The following CFI variants were observed in gnomAD, a reference collection of about 807,000 sequenced individuals.
CFI encodes C3B/C4B inactivator.
A neutral mutation model predicts 78.8 loss-of-function variants in CFI; 66 were observed. The observed-to-expected ratio is 0.84, with a 90% confidence interval of 0.69 to 1.03. CFI has a LOEUF of 1.03. Ranked by LOEUF, CFI falls within the 50% of genes least tolerant of loss-of-function variation. The pLI is 0.00. For missense variants in CFI, 706 were observed against 704.5 expected, an observed-to-expected ratio of 1.00 and a Z score of -0.02; for synonymous variants, 250 against 232.6, an observed-to-expected ratio of 1.07 and a Z score of -0.68.
chr4:109,756,440 A>AAGG (rs147367630), intron 7 of CFI, among the ~76,000 whole-genome samples: 1 of 150,690 alleles, frequency 6.6e-6, no homozygotes, highest in Non-Finnish European at 1.5e-5. Context: ...GAAGAGGAAG[A>AAGG]AGGAGGAGGA....
chr4:109,767,153 T>C (rs536788114), intron 1 of CFI, among the ~76,000 whole-genome samples: 5 of 152,292 alleles, frequency 3.3e-5, no homozygotes, highest in South Asian at 2.1e-4. Context: ...AAGACTTACA[T>C]GTTAGACCTA....
intron 1 of CFI, among the ~76,000 whole-genome samples, chr4:109,800,186 C>T (rs543906148): frequency 1.1e-4 from 17 of 152,162 alleles, no homozygotes; most frequent in African/African-American, 3.6e-4. Context: ...TTCTTTCTCT[C>T]TAAAATGCCA....
At chr4:109,755,531 T>G (rs1726018590) in intron 7 of CFI, among the ~76,000 whole-genome samples, 1 of 152,132 alleles carries the variant, frequency 6.6e-6, no homozygotes, top group African/African-American at 2.4e-5. Flanking sequence ...AATAGATTAA[T>G]GTCGTTATCT....
Position 109,801,730 on chromosome 4 carries a change from T to C in CFI, c.57+185A>G, listed in dbSNP as rs7671905. ...ATATATAAGCACATAAAAAGAACTATTTTTAAAAAATCACTTTTATCAAGA... is the reference window on the plus strand; with the variant it reads ...ATATATAAGCACATAAAAAGAACTACTTTTAAAAAATCACTTTTATCAAGA... On this transcript the variant is annotated intron_variant, in intron 1 of 12. Transcript: ENST00000394634. 0.64 allele frequency among the ~76,000 whole-genome samples: 97,773 copies of C among 152,054 alleles called. 31,923 individuals carry two copies. The highest frequency in any genetic ancestry group is 0.74 in the South Asian group (3,571 of 4,820).
intron 7 of CFI, among the ~76,000 whole-genome samples, chr4:109,757,502 G>T (rs1318080625): frequency 6.6e-6 from 1 of 152,142 alleles, no homozygotes; most frequent in Non-Finnish European, 1.5e-5. Context: ...TGAAGAGAAA[G>T]GTATTCGGCA....
At chr4:109,768,554 C>G (rs551756910) in intron 1 of CFI, among the ~76,000 whole-genome samples, 1 of 152,210 alleles carries the variant, frequency 6.6e-6, no homozygotes, top group Admixed American at 6.5e-5. Context: ...GCTATTATTA[C>G]CCTGCAGGAC....
At chr4:109,797,121 A>AT (rs1344659360) in intron 1 of CFI, among the ~76,000 whole-genome samples, 1 of 152,222 alleles carries the variant, frequency 6.6e-6, no homozygotes, top group Admixed American at 6.5e-5. Context: ...AGCCAAAACA[A>AT]TTTTTTGAGC....
At chr4:109,795,673 G>A (rs1731967101) in intron 1 of CFI, among the ~76,000 whole-genome samples, 1 of 152,018 alleles carries the variant, frequency 6.6e-6, no homozygotes, top group Non-Finnish European at 1.5e-5. Context: ...CCATAAAAAA[G>A]AACCAAAGAG....
At chr4:109,742,392 A>G in intron 12 of CFI, 99 bp downstream of exon 12, 1 of 774,032 alleles carries the variant, frequency 1.3e-6, no homozygotes, top group Non-Finnish European at 2.3e-6. Context: ...AATGGAGGGA[A>G]TTAGGGCCCA....
intron 1 of CFI, among the ~76,000 whole-genome samples, chr4:109,773,151 G>C (rs559314817): frequency 9.2e-5 from 14 of 152,284 alleles, no homozygotes; most frequent in Non-Finnish European, 1.8e-4. Context: ...TAGAATCAAA[G>C]TAGCCTAGAA....
rs536382016 is a variant in CFI, at chr4:109,768,633, C to G, written c.58-1809G>C. Among the ~76,000 whole-genome samples, 12 of 152,270 alleles carry G rather than the reference C, an allele frequency of 7.9e-5. No homozygotes were observed. The South Asian group carries it at 2.3e-3, about 29-fold the overall frequency. Reference sequence around the variant, plus strand: ...CAAAAGCCAATCTGCGAAGAAAAGCCAATGCTGTCTCCCTGTCCCCCAGAG... The same window carrying G: ...CAAAAGCCAATCTGCGAAGAAAAGCGAATGCTGTCTCCCTGTCCCCCAGAG... On this transcript the variant is annotated intron_variant, in intron 1 of 12. Transcript: ENST00000394634.
chr4:109,761,841 C>T, intron 3 of CFI, 149 bp from the exon 4 acceptor site: 1 of 668,508 alleles, frequency 1.5e-6, no homozygotes, highest in Non-Finnish European at 2.6e-6. Context: ...CTCTGAGCCT[C>T]AGTACCTTCA....
chr4:109,768,113 C>G (rs1728016756), intron 1 of CFI, among the ~76,000 whole-genome samples: 1 of 120,906 alleles, frequency 8.3e-6, no homozygotes, highest in Non-Finnish European at 1.6e-5. Flanking sequence ...AGGGGAACAT[C>G]ACACACTGGG....
intron 11 of CFI, among the ~76,000 whole-genome samples, chr4:109,743,840 A>G (rs2126182690): frequency 6.6e-6 from 1 of 152,234 alleles, no homozygotes; most frequent in East Asian, 1.9e-4. Flanking sequence ...TCTACAAAAA[A>G]TACAAAAATT....
chr4:109,780,126 A>G (rs1043833522), intron 1 of CFI, among the ~76,000 whole-genome samples: 2 of 152,220 alleles, frequency 1.3e-5, no homozygotes, highest in Non-Finnish European at 1.5e-5. Flanking sequence ...CAATGGCAAC[A>G]AAAGCCAAAA....
At chr4:109,762,864 G>A (rs1727259170) in intron 3 of CFI, among the ~76,000 whole-genome samples, 1 of 152,176 alleles carries the variant, frequency 6.6e-6, no homozygotes, top group Non-Finnish European at 1.5e-5. Flanking sequence ...GTTAAAATTA[G>A]AGATGTCTGT....
intron 8 of CFI, among the ~76,000 whole-genome samples, chr4:109,751,629 T>TG (rs1561290621): frequency 6.6e-6 from 1 of 151,660 alleles, no homozygotes; most frequent in East Asian, 1.9e-4. Flanking sequence ...TTTGTAGAGA[T>TG]GGGGTTTCAC....
intron 1 of CFI, among the ~76,000 whole-genome samples, chr4:109,778,125 C>T (rs1729516353): frequency 6.6e-6 from 1 of 152,096 alleles, no homozygotes. Flanking sequence ...CAAGAAATAA[C>T]TAAGATCAGA....
intron 1 of CFI, among the ~76,000 whole-genome samples, chr4:109,787,183 T>C (rs957797240): frequency 1.3e-5 from 2 of 152,146 alleles, no homozygotes; most frequent in Non-Finnish European, 2.9e-5. Context: ...GGTACAATGA[T>C]GATTTCCCTG....
Sources: gnomAD v4.1 joint callset for allele counts (sites outside exome capture counted in the v4.1 genomes callset) on GRCh38, gnomAD v4.1.1 for gene constraint, MANE v1.5 for transcripts, NCBI Gene and HGNC (gene_info 2026-07-23, HGNC 2026-07-21) for gene names.